HDAC9: variants seen among roughly 807,000 people sequenced by gnomAD.
HDAC9 encodes MEF-2 interacting transcription repressor (MITR) protein.
A neutral mutation model predicts 139.4 loss-of-function variants in HDAC9; 41 were observed. That is an observed-to-expected ratio of 0.29 (90% CI 0.23 to 0.38). HDAC9 has a LOEUF of 0.38. Among genes scored for constraint, HDAC9 ranks in the 10% least tolerant of loss-of-function variants. HDAC9 has a pLI of 1.00. For synonymous variants in HDAC9, 517 were observed against 476.2 expected (o/e 1.09, Z -1.12); for missense variants, 1,147 against 1,297.0 (o/e 0.88, Z 1.78).
intron 3 of HDAC9, among the ~76,000 whole-genome samples, chr7:18,586,882 T>A (rs1829625703): frequency 6.6e-6 from 1 of 152,178 alleles, no homozygotes; most frequent in Non-Finnish European, 1.5e-5. Context: ...GACTTATTTT[T>A]GAATGAATAC....
At chr7:18,318,860 C>G (rs1047981209) in intron 1 of HDAC9, among the ~76,000 whole-genome samples, 1 of 152,126 alleles carries the variant, frequency 6.6e-6, no homozygotes, top group Non-Finnish European at 1.5e-5. Context: ...AAAAACATAA[C>G]GACTAGTATA....
intron 2 of HDAC9, among the ~76,000 whole-genome samples, chr7:18,535,152 C>A (rs1408270363): frequency 6.6e-6 from 1 of 152,158 alleles, no homozygotes; most frequent in Non-Finnish European, 1.5e-5. Context: ...AACTCTCCTG[C>A]TCATTCTTGT....
intron 22 of HDAC9, among the ~76,000 whole-genome samples, chr7:18,888,226 C>T (rs1272428836): frequency 1.3e-5 from 2 of 152,036 alleles, no homozygotes; most frequent in African/African-American, 4.8e-5. Context: ...TCGAGACCAT[C>T]CTGGCTAACA....
chr7:18,519,123 C>G, intron 2 of HDAC9, among the ~76,000 whole-genome samples: 1 of 151,976 alleles, frequency 6.6e-6, no homozygotes, highest in East Asian at 1.9e-4. Flanking sequence ...GAAAATGATG[C>G]CAGCAAAAAA....
At chr7:18,441,653 G>A (rs778438384) in intron 1 of HDAC9, among the ~76,000 whole-genome samples, 3 of 152,168 alleles carry the variant, frequency 2.0e-5, no homozygotes, top group Non-Finnish European at 4.4e-5. Context: ...GGAGACTTAT[G>A]TTTTAGAAAT....
At chr7:18,394,221 C>T (rs1786812733) in intron 1 of HDAC9, among the ~76,000 whole-genome samples, 1 of 152,102 alleles carries the variant, frequency 6.6e-6, no homozygotes, top group South Asian at 2.1e-4. Flanking sequence ...TAAAGGGACA[C>T]TCAAAGGTTG....
At chr7:18,470,512 A>G (rs970242656) in intron 1 of HDAC9, among the ~76,000 whole-genome samples, 3 of 152,168 alleles carry the variant, frequency 2.0e-5, no homozygotes, top group Non-Finnish European at 4.4e-5. Context: ...ATCTTTCACT[A>G]CAGACATTAG....
At chr7:18,367,119 A>T (rs1394247355) in intron 1 of HDAC9, among the ~76,000 whole-genome samples, 1 of 152,114 alleles carries the variant, frequency 6.6e-6, no homozygotes, top group Non-Finnish European at 1.5e-5. Flanking sequence ...AGATGTTCAT[A>T]TCAGAATAAT....
chr7:18,812,363 G>A (rs1330717978), intron 17 of HDAC9, among the ~76,000 whole-genome samples: 1 of 151,700 alleles, frequency 6.6e-6, no homozygotes, highest in Non-Finnish European at 1.5e-5. Flanking sequence ...TTGCACCACT[G>A]TTCTGCTAGC....
intron 1 of HDAC9, among the ~76,000 whole-genome samples, chr7:18,098,132 T>A (rs1472135262): frequency 6.6e-6 from 1 of 152,192 alleles, no homozygotes; most frequent in Non-Finnish European, 1.5e-5. Flanking sequence ...TGTAATCCCA[T>A]CATGACAAGT....
intron 2 of HDAC9, chr7:18,509,519 G>T: frequency 1.1e-6 from 1 of 885,954 alleles, no homozygotes; most frequent in African/African-American, 1.8e-5. Flanking sequence ...CTTGAAAGCT[G>T]TATTTTTTAA....
intron 2 of HDAC9, among the ~76,000 whole-genome samples, chr7:18,547,896 CCT>C (rs1358772626): frequency 2.2e-5 from 3 of 137,600 alleles, no homozygotes; most frequent in Non-Finnish European, 3.2e-5. Flanking sequence ...TCCCTCTCTC[CCT>C]CTCTCCCTTT....
chr7:18,603,468 T>A lies in HDAC9; in HGVS notation c.664+9439T>A, dbSNP rs192744789. ...ATCAATTTTACCTCTTTTAAAAATA[T>A]GTTTCAGTGGTTTCTCTAGAGTTTG... On this transcript the variant is annotated intron_variant, in intron 6 of 25. Coordinates refer to ENST00000686413, the MANE Select transcript of HDAC9 (RefSeq NM_178425.4). Among the ~76,000 whole-genome samples the A allele has an allele frequency of 4.0e-3, 609 of 152,222 alleles. 3 individuals are homozygous for A. Among genetic ancestry groups the A allele is most frequent in the African/African-American group, 0.014 (587 of 41,582 alleles).
chr7:18,269,818 G>A (rs1320587968), intron 2 of HDAC9, among the ~76,000 whole-genome samples: 2 of 151,942 alleles, frequency 1.3e-5, no homozygotes, highest in African/African-American at 4.8e-5. Flanking sequence ...CTCCTAGTTG[G>A]GCTGCCTAAA....
intron 17 of HDAC9, among the ~76,000 whole-genome samples, chr7:18,816,956 G>A (rs1290766613): frequency 6.6e-6 from 1 of 151,856 alleles, no homozygotes; most frequent in African/African-American, 2.4e-5. Context: ...TAATTTTTTG[G>A]GCCCTATTCA....
At chr7:18,877,809 T>C (rs1276579313) in intron 22 of HDAC9, among the ~76,000 whole-genome samples, 1 of 152,178 alleles carries the variant, frequency 6.6e-6, no homozygotes, top group Non-Finnish European at 1.5e-5. Flanking sequence ...TAGTGATGTT[T>C]TTCTTTCTTC....
At chr7:18,673,810 G>A (rs1441537355) in intron 12 of HDAC9, among the ~76,000 whole-genome samples, 1 of 151,940 alleles carries the variant, frequency 6.6e-6, no homozygotes, top group East Asian at 1.9e-4. Flanking sequence ...TTAACATAGA[G>A]GCATAAAATG....
intron 6 of HDAC9, among the ~76,000 whole-genome samples, chr7:18,601,342 C>G (rs1255413498): frequency 3.9e-5 from 6 of 152,176 alleles, no homozygotes; most frequent in Non-Finnish European, 8.8e-5. Flanking sequence ...GGTATAACAG[C>G]TTATTCATTG....
chr7:18,800,204 GT>G lies in HDAC9; in HGVS notation c.2322+6756del, dbSNP rs1382817539. ...TGATGGTGAATTTAATACATGCTCT[GT>G]TTTACCCCATTAGTCCATTCACCTA... On this transcript the variant is annotated intron_variant, in intron 17 of 25. Coordinates refer to ENST00000686413, the MANE Select transcript of HDAC9 (RefSeq NM_178425.4). 3.9e-5 allele frequency among the ~76,000 whole-genome samples: 6 copies of G among 152,112 alleles called. No individual in the cohort carries two copies. In the South Asian group the frequency reaches 1.0e-3, roughly 26 times the overall value.
Sources: allele counts gnomAD v4.1 joint callset (sites outside exome capture counted in the v4.1 genomes callset), GRCh38; gene constraint gnomAD v4.1.1; transcripts MANE v1.5; gene names NCBI Gene and HGNC (gene_info 2026-07-23, HGNC 2026-07-21).